The following SLC16A9 variants were observed in gnomAD, a reference collection of about 807,000 sequenced individuals.
SLC16A9 encodes solute carrier family 16 member 9.
In SLC16A9, 26 loss-of-function variants were observed where a neutral mutation model predicts 44.3. That is an observed-to-expected ratio of 0.59 (90% CI 0.43 to 0.81). The LOEUF is 0.81. Among genes scored for constraint, SLC16A9 ranks in the 40% least tolerant of loss-of-function variants. SLC16A9 has a pLI of 0.00. For missense variants in SLC16A9, 559 were observed against 595.8 expected (o/e 0.94, Z 0.64); for synonymous variants, 230 against 225.1 (o/e 1.02, Z -0.19).
chr10:59,691,474 T>G (rs1435103432), intron 1 of SLC16A9, among the ~76,000 whole-genome samples: 2 of 152,086 alleles, frequency 1.3e-5, no homozygotes, highest in Non-Finnish European at 2.9e-5. Context: ...AACTTTAACT[T>G]AAAAAAATTA....
chr10:59,706,650 C>CACACACACAT (rs1426503455), intron 1 of SLC16A9, among the ~76,000 whole-genome samples: 1 of 151,962 alleles, frequency 6.6e-6, no homozygotes, highest in African/African-American at 2.4e-5. Flanking sequence ...CACACACACA[C>CACACACACAT]ACAATAGGAG....
chr10:59,678,522 T>TC (rs1363770415), intron 2 of SLC16A9, among the ~76,000 whole-genome samples: 1 of 4,594 alleles, frequency 2.2e-4, no homozygotes, highest in Non-Finnish European at 5.7e-3. Flanking sequence ...TTCCTACCAA[T>TC]CTTTTTTTTT....
Position 59,652,596 on chromosome 10 carries a change from G to T in SLC16A9, c.*176C>A. On this transcript the variant is annotated 3_prime_UTR_variant, in exon 6 of 6. Coordinates refer to ENST00000395348, the MANE Select transcript of SLC16A9 (RefSeq NM_194298.3). ...GAAAAAAATACGAGATAGAGGCTAC[G>T]CATACACTACATAAAAAATAGGATA... is the stretch of plus-strand genomic sequence containing the variant. 1.8e-6 allele frequency: 1 copy of T among 552,090 alleles called. No individual in the cohort carries two copies. Among genetic ancestry groups the T allele is most frequent in the Admixed American group, 3.6e-5 (1 of 27,802 alleles). 34.2% of individuals were successfully genotyped at this position (552,090 alleles called of 1,614,324 possible).
At chr10:59,668,490 T>C (rs988397221) in intron 3 of SLC16A9, among the ~76,000 whole-genome samples, 2 of 152,212 alleles carry the variant, frequency 1.3e-5, no homozygotes, top group South Asian at 4.1e-4. Flanking sequence ...CACACATACA[T>C]TGGCTTCCTT....
chr10:59,669,798 G>T (rs910294286), intron 3 of SLC16A9, among the ~76,000 whole-genome samples: 1 of 137,882 alleles, frequency 7.3e-6, no homozygotes, highest in Non-Finnish European at 1.6e-5. Flanking sequence ...CGTCTCGAAA[G>T]AAAAAAAAAA....
chr10:59,679,991 G>T (rs1222458148), intron 2 of SLC16A9, among the ~76,000 whole-genome samples: 2 of 152,086 alleles, frequency 1.3e-5, no homozygotes, highest in Non-Finnish European at 2.9e-5. Context: ...CAAATTATTA[G>T]TTACCTTTTT....
intron 3 of SLC16A9, among the ~76,000 whole-genome samples, chr10:59,668,471 C>G (rs1839673424): frequency 1.3e-5 from 2 of 152,180 alleles, no homozygotes; most frequent in South Asian, 4.1e-4. Context: ...ACCCTCTCTC[C>G]CCAGCACACA....
chr10:59,676,425 A>G (rs1183394211), intron 2 of SLC16A9, among the ~76,000 whole-genome samples: 4 of 152,208 alleles, frequency 2.6e-5, no homozygotes, highest in Non-Finnish European at 5.9e-5. Flanking sequence ...TTCAAGAGAC[A>G]GATTAAATCA....
chr10:59,696,119 C>T lies in SLC16A9; in HGVS notation c.-36-11792G>A, dbSNP rs554114435. On this transcript the variant is annotated intron_variant, in intron 1 of 5. Transcript: ENST00000395348. Reference sequence around the variant, plus strand: ...CTCTCCGTCTCCCCACGGTCTCCCTCTCCCTCTCTTGCCACGGTCTCCCTC... The same window carrying T: ...CTCTCCGTCTCCCCACGGTCTCCCTTTCCCTCTCTTGCCACGGTCTCCCTC... Among the ~76,000 whole-genome samples, 44 of 152,212 alleles carry T rather than the reference C, an allele frequency of 2.9e-4. No individual in the cohort carries two copies. The Middle Eastern group carries it at 0.01, about 35-fold the overall frequency.
chr10:59,665,978 A>G (rs6481477), intron 3 of SLC16A9, among the ~76,000 whole-genome samples: 146,808 of 152,262 alleles, frequency 0.96, 71,016 homozygotes, highest in East Asian at 1. Flanking sequence ...AATCTGAAAC[A>G]CATTTACTTT....
rs1484791858 is a variant in SLC16A9 at position 59,651,301 on chromosome 10, A to G, written c.*1471T>C. The G allele has an allele frequency of 6.6e-6, 1 of 152,238 alleles. No homozygotes were observed. Among genetic ancestry groups the G allele is most frequent in the Non-Finnish European group, 1.5e-5 (1 of 68,038 alleles). 9.4% of individuals were successfully genotyped at this position (152,238 alleles called of 1,614,324 possible). ...TCATACAAATTTCAAAATAAATGAAAAGATGATTTTGGCACAATGGGAAGG... is the reference window on the plus strand; with the variant it reads ...TCATACAAATTTCAAAATAAATGAAGAGATGATTTTGGCACAATGGGAAGG... On this transcript the variant is annotated 3_prime_UTR_variant, in exon 6 of 6. Coordinates refer to ENST00000395348, the MANE Select transcript of SLC16A9 (RefSeq NM_194298.3).
chr10:59,689,498 G>C (rs559402104), intron 1 of SLC16A9, among the ~76,000 whole-genome samples: 1 of 152,278 alleles, frequency 6.6e-6, no homozygotes, highest in South Asian at 2.1e-4. Flanking sequence ...TCTGAATCTT[G>C]ATTGAAATGC....
At chr10:59,679,723 C>G (rs1216174425) in intron 2 of SLC16A9, among the ~76,000 whole-genome samples, 1 of 152,192 alleles carries the variant, frequency 6.6e-6, no homozygotes, top group Non-Finnish European at 1.5e-5. Context: ...CAAGTTGAAA[C>G]ATAAAACTGA....
At chr10:59,701,258 C>T (rs1038019704) in intron 1 of SLC16A9, among the ~76,000 whole-genome samples, 14 of 152,196 alleles carry the variant, frequency 9.2e-5, no homozygotes, top group Admixed American at 9.2e-4. Flanking sequence ...TCTTCCTCTC[C>T]ATCTTTTCTG....
chr10:59,706,974 CA>C (rs1564716639), intron 1 of SLC16A9, among the ~76,000 whole-genome samples: 2 of 72,290 alleles, frequency 2.8e-5, no homozygotes. Flanking sequence ...AACTCCATCT[CA>C]AAAAAAAGAG....
chr10:59,663,285 C>T (rs374600085), intron 4 of SLC16A9, among the ~76,000 whole-genome samples: 12 of 152,028 alleles, frequency 7.9e-5, no homozygotes, highest in African/African-American at 1.2e-4. Flanking sequence ...CACTTGAACC[C>T]GGGAGGCAGA....
intron 2 of SLC16A9, among the ~76,000 whole-genome samples, chr10:59,674,075 T>C (rs1015322990): frequency 6.6e-6 from 1 of 152,216 alleles, no homozygotes; most frequent in Non-Finnish European, 1.5e-5. Context: ...GTATTGCTCA[T>C]GTTCTTGTTC....
intron 5 of SLC16A9, among the ~76,000 whole-genome samples, chr10:59,653,333 G>A (rs1188316108): frequency 6.8e-6 from 1 of 147,786 alleles, no homozygotes; most frequent in East Asian, 2.0e-4. Context: ...GGCTGAGGCA[G>A]GAGAATGGCA....
rs1205094879 is a variant in SLC16A9, at chr10:59,696,934, G to A, written c.-37+12545C>T. ...AGCCACCCCGTCCGGGAGGGAGGTG[G>A]GGGGTCAGCCCCCCGCCCGGCCAGC... On this transcript the variant is annotated intron_variant, in intron 1 of 5. Coordinates refer to ENST00000395348, the MANE Select transcript of SLC16A9 (RefSeq NM_194298.3). 5.8e-3 allele frequency among the ~76,000 whole-genome samples: 5 copies of A among 862 alleles called. No individual in the cohort carries two copies. The South Asian group carries it at 0.33, about 57-fold the overall frequency. 0.6% of individuals were successfully genotyped at this position (862 alleles called of 152,430 possible). A position where few individuals can be genotyped will look rare whatever the true frequency, so the allele number is the denominator to read the frequency against.
Sources: allele counts gnomAD v4.1 joint callset (sites outside exome capture counted in the v4.1 genomes callset), GRCh38; gene constraint gnomAD v4.1.1; transcripts MANE v1.5; gene names NCBI Gene and HGNC (gene_info 2026-07-23, HGNC 2026-07-21).